Variants in GRIPAP1 observed in about 807,000 individuals in gnomAD.
GRIPAP1 encodes GRIP1-associated protein 1.
GRIPAP1 carries 14 observed loss-of-function variants against 84.1 expected under a neutral mutation model. The observed-to-expected ratio is 0.17, with a 90% CI of 0.11 to 0.26. The LOEUF (loss-of-function observed/expected upper bound fraction) is 0.26, where lower values mean the gene tolerates loss of function less well. GRIPAP1 is among the 10% of genes least tolerant of loss of function. The pLI is 1.00. For synonymous variants in GRIPAP1, 261 were observed against 256.8 expected (o/e 1.02, Z -0.15); for missense variants, 518 against 674.2 (o/e 0.77, Z 2.57).
chrX:48,981,729 A>G lies in GRIPAP1; in HGVS notation c.1678-38T>C, dbSNP rs201328483. ...AAGCAGCTTAGGCATTGGCTTGGGA[A>G]GCCTCTGTCCTCCCAGGAGGGCCCG... On this transcript the variant is annotated intron_variant, in intron 18 of 25. Transcript: ENST00000376423. 23 of 1,161,851 alleles carry G rather than the reference A, an allele frequency of 2.0e-5. No homozygotes were observed. The African/African-American group carries it at 3.5e-4, about 18-fold the overall frequency.
In GRIPAP1 at chrX:48,988,107, G is replaced by A. The variant is rs782658740; in HGVS notation, c.948+14C>T. The stretch of plus-strand genomic sequence containing the variant: ...CTGAACCCCAGCTCCCTGAGCCCAC[G>A]CAGTACAATATACCTGATCTTGTAG... On this transcript the variant is annotated intron_variant, in intron 12 of 25. Coordinates refer to ENST00000376423, the MANE Select transcript of GRIPAP1 (RefSeq NM_020137.5). The A allele has an allele frequency of 1.3e-5, 15 of 1,168,447 alleles. No homozygotes were observed. The highest frequency in any genetic ancestry group is 1.9e-5 in the South Asian group (1 of 53,967).
Position 48,978,341 on chromosome X carries a change from G to C in GRIPAP1, c.2025C>G (p.Ile675Met). The C allele has an allele frequency of 1.7e-6, 2 of 1,209,437 alleles. No individual in the cohort carries two copies. The highest frequency in any genetic ancestry group is 2.2e-6 in the Non-Finnish European group (2 of 894,153). The change falls in exon 22 of 26, where the codon ATC (isoleucine) becomes ATG (methionine). Residue 675 changes from isoleucine to methionine, a missense_variant. This residue lies in a region of GRIPAP1 where 66 missense variants were observed against 65.2 expected (regional missense o/e 1.01). Transcript: ENST00000376423. Reference protein sequence around the residue: ...SSISSFSYREILREKESSAVP... With the variant: ...SSISSFSYREMLREKESSAVP... ...CAGCCGAGCTCTCCTTTTCCCGCAA[G>C]ATCTCCCGGTAGCTGAAGGAGGAGA...
chrX:48,993,055 C>T (rs1557065943), intron 6 of GRIPAP1, among the ~76,000 whole-genome samples: 3 of 111,403 alleles, frequency 2.7e-5, no homozygotes, highest in Admixed American at 9.5e-5. Flanking sequence ...CTGCTGACCT[C>T]GCAATCCGCC....
chrX:48,998,025 T>A, intron 4 of GRIPAP1, 129 bp downstream of exon 4: 1 of 559,651 alleles, frequency 1.8e-6, no homozygotes, highest in Non-Finnish European at 3.2e-6. Flanking sequence ...CAGCAACACA[T>A]GGCAGTGAGG....
At chrX:48,993,962 A>G (rs1557066219) in intron 5 of GRIPAP1, among the ~76,000 whole-genome samples, 1 of 110,734 alleles carries the variant, frequency 9.0e-6, no homozygotes, top group African/African-American at 3.3e-5. Context: ...GCCCAGAGAT[A>G]GCTCCCTCTC....
chrX:48,984,714 CAAAAAAAAAAA>C (rs782364425), intron 14 of GRIPAP1, among the ~76,000 whole-genome samples: 2 of 15,852 alleles, frequency 1.3e-4, no homozygotes, highest in Non-Finnish European at 9.7e-5. Flanking sequence ...GACTCCATCT[CAAAAAAAAAAA>C]AAAAAAAAAA....
chrX:48,980,950 T>A (rs1602469048), intron 21 of GRIPAP1: 4 of 351,732 alleles, frequency 1.1e-5, no homozygotes, highest in South Asian at 5.6e-5. Context: ...AAGGCAAACA[T>A]AGAGGAAAGA....
intron 8 of GRIPAP1, 80 bp from the exon 9 acceptor site, chrX:48,990,083 CTTA>C: frequency 1.2e-6 from 1 of 808,141 alleles, no homozygotes; most frequent in South Asian, 2.6e-5. Flanking sequence ...ATAGACACTT[CTTA>C]TTAAGTCATT....
At chrX:48,983,129 G>C (rs1557062668) in intron 16 of GRIPAP1, 37 bp from the exon 17 acceptor site, 1 of 1,127,700 alleles carries the variant, frequency 8.9e-7, no homozygotes, top group African/African-American at 1.8e-5. Flanking sequence ...CAGGAAGGCA[G>C]AGGAGCGGGC....
chrX:48,996,174 G>A (rs1212068726), intron 5 of GRIPAP1, among the ~76,000 whole-genome samples: 1 of 111,940 alleles, frequency 8.9e-6, no homozygotes, highest in Non-Finnish European at 1.9e-5. Flanking sequence ...TTTAATCTAG[G>A]CCTTCTGGTT....
At chrX:48,982,300 C>T (rs1486598796) in intron 17 of GRIPAP1, among the ~76,000 whole-genome samples, 2 of 112,307 alleles carry the variant, frequency 1.8e-5, no homozygotes, top group Admixed American at 9.4e-5. Context: ...CCTAGACAAA[C>T]AACTGGCTCC....
At chrX:49,000,362 C>A (rs2064571624) in intron 1 of GRIPAP1, among the ~76,000 whole-genome samples, 1 of 25,707 alleles carries the variant, frequency 3.9e-5, no homozygotes, top group Non-Finnish European at 6.3e-5. Context: ...GAGACTCTGT[C>A]TCAAAAAAAA....
At chrX:48,974,413 G>GA (rs1223121494) in intron 25 of GRIPAP1, 128 bp from the exon 26 acceptor site, 9 of 468,038 alleles carry the variant, frequency 1.9e-5, no homozygotes, top group Admixed American at 1.3e-4. Flanking sequence ...TCTGGCCTGG[G>GA]ATGAGAAGGT....
Position 48,987,888 on chromosome X carries a change from G to A in GRIPAP1, c.949-11C>T, listed in dbSNP as rs376265271. 7.5e-5 allele frequency: 86 copies of A among 1,149,323 alleles called. No homozygotes were observed. Among genetic ancestry groups the A allele is most frequent in the Non-Finnish European group, 9.2e-5 (78 of 847,120 alleles). 94.7% of individuals were successfully genotyped at this position (1,149,323 alleles called of 1,213,427 possible). ...ACTCTGGATGGATACCTGGCCCCACGTCCACAGCAGGTGAGAGTGGGTCCA... is the reference window on the plus strand; with the variant it reads ...ACTCTGGATGGATACCTGGCCCCACATCCACAGCAGGTGAGAGTGGGTCCA... On this transcript the variant is annotated splice_polypyrimidine_tract_variant and intron_variant, in intron 12 of 25. Transcript: ENST00000376423.
At chrX:48,991,939 C>T (rs868987751) in intron 6 of GRIPAP1, among the ~76,000 whole-genome samples, 2 of 112,169 alleles carry the variant, frequency 1.8e-5, no homozygotes, top group African/African-American at 6.4e-5. Flanking sequence ...TGGGCTCAAG[C>T]GATCCTCCCA....
chrX:48,993,461 C>T lies in GRIPAP1; in HGVS notation c.424G>A (p.Ala142Thr). Reference protein sequence around the residue: ...LVDGELLRLQAENTALQKNVA... With the variant: ...LVDGELLRLQTENTALQKNVA... The stretch of plus-strand genomic sequence containing the variant: ...TTCTTCTGCAAGGCTGTGTTTTCAG[C>T]CTGTAGCCTCAGCAGCTCCCCATCC... Residue 142 changes from alanine to threonine, a missense_variant, in exon 6 of 26, where the codon GCT becomes ACT. This residue lies in a region of GRIPAP1 where 372 missense variants were observed against 458.1 expected (regional missense o/e 0.81). Coordinates refer to ENST00000376423, the MANE Select transcript of GRIPAP1 (RefSeq NM_020137.5). 1 of 1,183,841 alleles carries T rather than the reference C, an allele frequency of 8.4e-7. No individual in the cohort carries two copies.
intron 20 of GRIPAP1, 45 bp downstream of exon 20, chrX:48,981,371 G>T: frequency 3.3e-6 from 4 of 1,200,947 alleles, no homozygotes; most frequent in South Asian, 1.8e-5. Flanking sequence ...TAGGAGGGAG[G>T]CTACAGGTAG....
intron 1 of GRIPAP1, among the ~76,000 whole-genome samples, chrX:48,999,822 C>T (rs1313003225): frequency 9.0e-6 from 1 of 110,893 alleles, no homozygotes. Context: ...CTCTCCATGC[C>T]CACAGGATAA....
chrX:48,995,401 C>T (rs2064541998), intron 5 of GRIPAP1, among the ~76,000 whole-genome samples: 1 of 111,349 alleles, frequency 9.0e-6, no homozygotes, highest in South Asian at 3.7e-4. Context: ...GGGCTCTGAA[C>T]TAGGAGCAGG....
Sources: allele counts gnomAD v4.1 joint callset (sites outside exome capture counted in the v4.1 genomes callset), GRCh38; gene constraint gnomAD v4.1.1; regional missense constraint gnomAD v4.1.1; transcripts MANE v1.5; gene names NCBI Gene and HGNC (gene_info 2026-07-23, HGNC 2026-07-21).